SGCZ: variants seen among roughly 807,000 people sequenced by gnomAD.
SGCZ encodes the protein sarcoglycan zeta, also known as zeta-sarcoglycan.
In SGCZ, 40 loss-of-function variants were observed where a neutral mutation model predicts 41.3. That is an observed-to-expected ratio of 0.97 (90% CI 0.75 to 1.26). The LOEUF is 1.26. Ranked by LOEUF, SGCZ falls within the 50% of genes most tolerant of loss-of-function variation. The probability of loss-of-function intolerance (pLI) is 0.00; values close to 1 mark genes in which losing one functional copy is unlikely to be tolerated. For missense variants in SGCZ, 552 were observed against 369.8 expected, an observed-to-expected ratio of 1.49 and a Z score of -4.04; for synonymous variants, 206 against 137.5, an observed-to-expected ratio of 1.50 and a Z score of -3.49.
At position 14,089,416 on chromosome 8, in the gene SGCZ, T is replaced by C. The variant is rs1438865866; in HGVS notation, c.*1027A>G. Among the ~76,000 whole-genome samples the C allele has an allele frequency of 6.6e-6, 1 of 152,032 alleles. No homozygotes were observed. The highest frequency in any genetic ancestry group is 3.2e-3 in the Middle Eastern group (1 of 316). Reference sequence around the variant, plus strand: ...AGATGGAGAATAATTCTGAAGATGATACCCCAATGGAAAGAGAATTTATTC... The same window carrying C: ...AGATGGAGAATAATTCTGAAGATGACACCCCAATGGAAAGAGAATTTATTC... On this transcript the variant is annotated 3_prime_UTR_variant, in exon 8 of 8. Coordinates refer to ENST00000382080, the MANE Select transcript of SGCZ (RefSeq NM_139167.4).
At chr8:14,950,647 T>C (rs1800601141) in intron 1 of SGCZ, among the ~76,000 whole-genome samples, 1 of 151,938 alleles carries the variant, frequency 6.6e-6, no homozygotes, top group South Asian at 2.1e-4. Flanking sequence ...AAAATCATAG[T>C]TCAGAAAAAA....
chr8:15,075,688 T>G (rs898085507), intron 1 of SGCZ, among the ~76,000 whole-genome samples: 1 of 152,186 alleles, frequency 6.6e-6, no homozygotes. Context: ...CTCCAGGCAC[T>G]AACATAAGCT....
intron 1 of SGCZ, among the ~76,000 whole-genome samples, chr8:15,210,974 C>T (rs1376087551): frequency 1.3e-5 from 2 of 151,626 alleles, no homozygotes; most frequent in Non-Finnish European, 2.9e-5. Flanking sequence ...ATCCAACTGT[C>T]CAAATTTTCC....
chr8:14,602,670 AT>A (rs1805630688), intron 1 of SGCZ, among the ~76,000 whole-genome samples: 1 of 152,100 alleles, frequency 6.6e-6, no homozygotes, highest in African/African-American at 2.4e-5. Context: ...CTTAGCTGAT[AT>A]TTTCCTTTCT....
chr8:15,045,081 A>ATATTAATT (rs766446846), intron 1 of SGCZ, among the ~76,000 whole-genome samples: 1 of 151,616 alleles, frequency 6.6e-6, no homozygotes, highest in Non-Finnish European at 1.5e-5. Context: ...TGAGCTTTTT[A>ATATTAATT]TATTTATTTA....
At chr8:14,828,732 G>C (rs1324111289) in intron 1 of SGCZ, among the ~76,000 whole-genome samples, 5 of 152,266 alleles carry the variant, frequency 3.3e-5, no homozygotes, top group Non-Finnish European at 7.4e-5. Flanking sequence ...GAGTGCCAAA[G>C]ACCAACAACA....
At chr8:15,207,772 C>A (rs1400111373) in intron 1 of SGCZ, among the ~76,000 whole-genome samples, 1 of 151,960 alleles carries the variant, frequency 6.6e-6, no homozygotes, top group Non-Finnish European at 1.5e-5. Flanking sequence ...GAAACCAGAG[C>A]TTTTTTATAT....
intron 1 of SGCZ, chr8:14,879,449 A>T (rs1390490822): frequency 6.6e-6 from 1 of 152,150 alleles, no homozygotes; most frequent in Admixed American, 6.6e-5. Flanking sequence ...ATATATAACT[A>T]GCCAAGCTTT....
At chr8:14,477,937 A>G (rs111561325) in intron 2 of SGCZ, among the ~76,000 whole-genome samples, 1 of 152,188 alleles carries the variant, frequency 6.6e-6, no homozygotes, top group Non-Finnish European at 1.5e-5. Context: ...GGAACTCACT[A>G]AAGATTGTTT....
chr8:14,442,836 A>C (rs1800312071), intron 2 of SGCZ, among the ~76,000 whole-genome samples: 1 of 152,166 alleles, frequency 6.6e-6, no homozygotes, highest in Non-Finnish European at 1.5e-5. Flanking sequence ...CATTATCTTT[A>C]AGCTCTGTTA....
chr8:14,788,049 C>G (rs984977446), intron 1 of SGCZ, among the ~76,000 whole-genome samples: 5 of 152,142 alleles, frequency 3.3e-5, no homozygotes, highest in Non-Finnish European at 5.9e-5. Context: ...TTGCTAGATT[C>G]TGGAAAAAGA....
intron 1 of SGCZ, among the ~76,000 whole-genome samples, chr8:15,219,472 C>T (rs1801518517): frequency 1.3e-5 from 2 of 152,086 alleles, no homozygotes; most frequent in South Asian, 4.2e-4. Context: ...CAGAAATGCC[C>T]AACTCAATAG....
intron 1 of SGCZ, among the ~76,000 whole-genome samples, chr8:14,708,317 T>C (rs546177474): frequency 6.5e-4 from 99 of 152,136 alleles, no homozygotes; most frequent in African/African-American, 2.2e-3. Flanking sequence ...CACAGAAATC[T>C]CTTGAGATAG....
chr8:14,358,226 A>G (rs976880521), intron 2 of SGCZ, among the ~76,000 whole-genome samples: 4 of 152,212 alleles, frequency 2.6e-5, no homozygotes, highest in African/African-American at 7.2e-5. Flanking sequence ...TCTATAAACT[A>G]TAAATATATT....
chr8:15,089,532 A>T (rs969418873), intron 1 of SGCZ, among the ~76,000 whole-genome samples: 2 of 152,124 alleles, frequency 1.3e-5, no homozygotes, highest in South Asian at 4.1e-4. Flanking sequence ...AAAAACCTGG[A>T]TGGAAAATTA....
At chr8:14,136,244 A>T (rs1803193599) in intron 5 of SGCZ, among the ~76,000 whole-genome samples, 1 of 152,188 alleles carries the variant, frequency 6.6e-6, no homozygotes, top group Non-Finnish European at 1.5e-5. Flanking sequence ...GACGCAGAAG[A>T]CAGGTGATTT....
chr8:14,640,686 T>G (rs569093631), intron 1 of SGCZ, among the ~76,000 whole-genome samples: 1 of 151,546 alleles, frequency 6.6e-6, no homozygotes, highest in Non-Finnish European at 1.5e-5. Flanking sequence ...ATATTTGCTT[T>G]GTACTTGAGT....
chr8:14,140,227 C>A (rs1191453825), intron 5 of SGCZ, among the ~76,000 whole-genome samples: 2 of 152,120 alleles, frequency 1.3e-5, no homozygotes, highest in African/African-American at 4.8e-5. Flanking sequence ...ACTGAATGGG[C>A]AAAAACTGGA....
intron 5 of SGCZ, among the ~76,000 whole-genome samples, chr8:14,137,293 C>T (rs1371701352): frequency 2.0e-5 from 3 of 152,208 alleles, no homozygotes; most frequent in Admixed American, 2.0e-4. Flanking sequence ...CGCAGCTCCT[C>T]GCAAGCAACG....
Sources: allele counts gnomAD v4.1 joint callset (sites outside exome capture counted in the v4.1 genomes callset), GRCh38; gene constraint gnomAD v4.1.1; transcripts MANE v1.5; gene names NCBI Gene and HGNC (gene_info 2026-07-23, HGNC 2026-07-21).